Variants in DLGAP2 observed in about 807,000 individuals in gnomAD.
DLGAP2 encodes DLG associated protein 2.
In DLGAP2, 26 loss-of-function variants were observed where a neutral mutation model predicts 100.3. The observed-to-expected ratio is 0.26, with a 90% CI of 0.19 to 0.36. The LOEUF (loss-of-function observed/expected upper bound fraction) is 0.36. Ranked by LOEUF, DLGAP2 falls within the 10% of genes least tolerant of loss-of-function variation. The pLI, the probability that DLGAP2 is intolerant of heterozygous loss-of-function variation, is 1.00. For synonymous variants in DLGAP2, 886 were observed against 630.1 expected, an observed-to-expected ratio of 1.41 and a Z score of -6.08; for missense variants, 1,858 against 1,453.2, an observed-to-expected ratio of 1.28 and a Z score of -4.53.
intron 1 of DLGAP2, among the ~76,000 whole-genome samples, chr8:760,217 A>T (rs1821046350): frequency 6.6e-6 from 1 of 152,156 alleles, no homozygotes; most frequent in Non-Finnish European, 1.5e-5. Flanking sequence ...GGGATGACAC[A>T]GGCTTTTCAG....
intron 2 of DLGAP2, among the ~76,000 whole-genome samples, chr8:1,012,671 T>G (rs1801329549): frequency 1.9e-5 from 2 of 104,426 alleles, no homozygotes; most frequent in African/African-American, 7.5e-5. Context: ...TCAGCGGCAG[T>G]GTGGACACCG....
intron 3 of DLGAP2, among the ~76,000 whole-genome samples, chr8:1,298,775 C>G (rs73170432): frequency 0.024 from 3,667 of 152,332 alleles, 51 homozygotes; most frequent in Middle Eastern, 0.054. Context: ...CTAAAGACTT[C>G]TATTTGCAAA....
At chr8:1,228,331 C>G (rs1585170171) in intron 2 of DLGAP2, among the ~76,000 whole-genome samples, 2 of 152,210 alleles carry the variant, frequency 1.3e-5, no homozygotes, top group Middle Eastern at 6.8e-3. Context: ...CTAACTATGC[C>G]AAAGGAAATC....
In DLGAP2 at chr8:1,149,809, C is replaced by T. The variant is rs113670596; in HGVS notation, c.74-109042C>T. On this transcript the variant is annotated intron_variant, in intron 2 of 14. Coordinates refer to ENST00000637795, the MANE Select transcript of DLGAP2 (RefSeq NM_001346810.2). ...TATTCCACATTTTCCTCTCTTGACT[C>T]GTCACTTTCACTTTCAGTAGTTCCT... Among the ~76,000 whole-genome samples the T allele has an allele frequency of 2.1e-3, 315 of 152,294 alleles. 2 individuals carry two copies. The highest frequency in any genetic ancestry group is 6.6e-3 in the African/African-American group (276 of 41,574).
rs370549552 is a variant in DLGAP2 at position 762,155 on chromosome 8, A to G, written c.18+24330A>G. Among the ~76,000 whole-genome samples, 56 of 152,288 alleles carry G rather than the reference A, an allele frequency of 3.7e-4. No homozygotes were observed. In the South Asian group the frequency reaches 3.9e-3, roughly 11 times the overall value. ...TCATGCTCACGTCTAGAAAAACAAAACATAATCCTAGAAGTAATGCTTGGC... is the reference window on the plus strand; with the variant it reads ...TCATGCTCACGTCTAGAAAAACAAAGCATAATCCTAGAAGTAATGCTTGGC... On this transcript the variant is annotated intron_variant, in intron 1 of 14. Transcript: ENST00000637795.
At chr8:1,037,903 G>A (rs553474542) in intron 2 of DLGAP2, among the ~76,000 whole-genome samples, 7 of 152,308 alleles carry the variant, frequency 4.6e-5, no homozygotes, top group South Asian at 2.1e-4. Flanking sequence ...GTGTGAGCCC[G>A]AGAATTTGTG....
At chr8:1,265,190 C>T (rs770103717) in intron 3 of DLGAP2, among the ~76,000 whole-genome samples, 39 of 152,104 alleles carry the variant, frequency 2.6e-4, no homozygotes, top group South Asian at 4.1e-4. Context: ...ATATTGGATA[C>T]GTTTATAATT....
intron 1 of DLGAP2, among the ~76,000 whole-genome samples, chr8:826,588 A>G (rs984371364): frequency 6.6e-6 from 1 of 151,550 alleles, no homozygotes; most frequent in African/African-American, 2.4e-5. Context: ...CTTGGGAAGT[A>G]GTTGTTTTGC....
chr8:1,155,024 CCACT>C (rs1022160453), intron 2 of DLGAP2, among the ~76,000 whole-genome samples: 3 of 152,210 alleles, frequency 2.0e-5, no homozygotes, highest in Non-Finnish European at 4.4e-5. Context: ...GCTTCTGTTC[CCACT>C]CATTCTCGCA....
At chr8:1,515,674 T>C (rs1800346166) in intron 4 of DLGAP2, among the ~76,000 whole-genome samples, 1 of 146,256 alleles carries the variant, frequency 6.8e-6, no homozygotes, top group Non-Finnish European at 1.5e-5. Context: ...CATACACATG[T>C]TGACACACAC....
intron 3 of DLGAP2, among the ~76,000 whole-genome samples, chr8:1,467,958 G>T (rs1563166885): frequency 6.6e-6 from 1 of 152,226 alleles, no homozygotes; most frequent in Non-Finnish European, 1.5e-5. Context: ...ACACATTTTT[G>T]AAAAGTGTTA....
At chr8:1,644,070 A>C (rs1328245768) in intron 8 of DLGAP2, among the ~76,000 whole-genome samples, 1 of 81,662 alleles carries the variant, frequency 1.2e-5, no homozygotes, top group Non-Finnish European at 2.4e-5. Flanking sequence ...CACCTGTGTC[A>C]CCCTCGACCC....
intron 2 of DLGAP2, among the ~76,000 whole-genome samples, chr8:1,011,548 C>T (rs1340209099): frequency 1.3e-4 from 18 of 141,072 alleles, no homozygotes; most frequent in African/African-American, 4.4e-4. Context: ...TCTCAGTCTA[C>T]ACAGTGAGCC....
At chr8:1,018,589 G>T (rs977835176) in intron 2 of DLGAP2, among the ~76,000 whole-genome samples, 1 of 152,204 alleles carries the variant, frequency 6.6e-6, no homozygotes, top group African/African-American at 2.4e-5. Flanking sequence ...AGCACACATT[G>T]CTCTTGGCAG....
chr8:1,028,075 G>A (rs1190654094), intron 2 of DLGAP2, among the ~76,000 whole-genome samples: 1 of 135,702 alleles, frequency 7.4e-6, no homozygotes, highest in Non-Finnish European at 1.6e-5. Context: ...GGGGTGCCAA[G>A]CGCCCGTTAT....
At chr8:1,207,471 C>T (rs190269212) in intron 2 of DLGAP2, among the ~76,000 whole-genome samples, 62 of 152,164 alleles carry the variant, frequency 4.1e-4, no homozygotes, top group Non-Finnish European at 7.5e-4. Context: ...TCTTTTTTTA[C>T]TCATTAGTTG....
intron 5 of DLGAP2, among the ~76,000 whole-genome samples, chr8:1,565,083 G>T (rs1802343827): frequency 6.6e-6 from 1 of 152,222 alleles, no homozygotes; most frequent in Non-Finnish European, 1.5e-5. Flanking sequence ...AACATGAGCG[G>T]GTGCTGAGTT....
rs954523711 is a variant in DLGAP2 at position 1,701,520 on chromosome 8, C to T, written c.*114C>T. ...CTCCCGCTGAACACGTCCTCGCTCC[C>T]GCGCTCCCCGCGCCCCGGACACAGC... On this transcript the variant is annotated 3_prime_UTR_variant, in exon 15 of 15. Transcript: ENST00000637795. 3.9e-5 allele frequency: 44 copies of T among 1,142,824 alleles called. No individual in the cohort carries two copies. In the Admixed American group the frequency reaches 7.9e-4, roughly 20 times the overall value. The allele number at this position is 1,142,824 out of a possible 1,614,324, so 70.8% of individuals were successfully genotyped here.
chr8:1,465,686 G>A (rs988911722), intron 3 of DLGAP2, among the ~76,000 whole-genome samples: 1 of 152,236 alleles, frequency 6.6e-6, no homozygotes, highest in Non-Finnish European at 1.5e-5. Context: ...CGTGACTGAG[G>A]CTCAGACAGC....
Sources: allele counts gnomAD v4.1 joint callset (sites outside exome capture counted in the v4.1 genomes callset), GRCh38; gene constraint gnomAD v4.1.1; transcripts MANE v1.5; gene names NCBI Gene and HGNC (gene_info 2026-07-23, HGNC 2026-07-21).